SYCE2: variants seen among roughly 807,000 people sequenced by gnomAD.
The protein encoded by SYCE2 is central element synaptonemal complex 1.
SYCE2 carries 3 observed loss-of-function variants against 27.9 expected under a neutral mutation model. That is an observed-to-expected ratio of 0.11 (90% CI 0.05 to 0.28). SYCE2 has a LOEUF of 0.28. Ranked by LOEUF, SYCE2 falls within the 10% of genes least tolerant of loss-of-function variation. SYCE2 has a pLI of 1.00. For missense variants in SYCE2, 207 were observed against 263.5 expected (o/e 0.79, Z 1.48); for synonymous variants, 85 against 100.7 (o/e 0.84, Z 0.93).
At chr19:12,899,957 C>A (rs767156949) in intron 5 of SYCE2, 47 bp downstream of exon 5, 56 of 1,599,810 alleles carry the variant, frequency 3.5e-5, no homozygotes, top group Admixed American at 2.9e-4. Flanking sequence ...AAAATAAAGA[C>A]CTGCACATCT....
At chr19:12,919,031 G>A (rs1300817347) in intron 1 of SYCE2, among the ~76,000 whole-genome samples, 1 of 151,902 alleles carries the variant, frequency 6.6e-6, no homozygotes, top group Non-Finnish European at 1.5e-5. Context: ...TTCCGGCCAC[G>A]CGCCATGTGT....
intron 2 of SYCE2, among the ~76,000 whole-genome samples, chr19:12,916,272 T>A (rs555153767): frequency 4.3e-4 from 65 of 152,262 alleles, no homozygotes; most frequent in African/African-American, 1.6e-3. Context: ...GGTTTCACTA[T>A]GTTGGCCAGG....
intron 2 of SYCE2, among the ~76,000 whole-genome samples, chr19:12,915,673 C>A (rs1396018689): frequency 3.3e-5 from 5 of 151,820 alleles, no homozygotes; most frequent in Non-Finnish European, 7.4e-5. Context: ...GAAAAAACCT[C>A]TAGGATAAAG....
intron 2 of SYCE2, 163 bp from the exon 3 acceptor site, chr19:12,904,829 C>G: frequency 1.3e-6 from 1 of 755,716 alleles, no homozygotes; most frequent in Non-Finnish European, 2.1e-6. Context: ...GAAACCTCGT[C>G]TCTAGTAAAA....
intron 2 of SYCE2, among the ~76,000 whole-genome samples, chr19:12,915,042 A>C (rs1281128412): frequency 6.6e-6 from 1 of 152,250 alleles, no homozygotes; most frequent in African/African-American, 2.4e-5. Flanking sequence ...AATGGATTTC[A>C]TAGCAGTGCT....
chr19:12,901,064 G>T (rs1021926123), intron 3 of SYCE2, among the ~76,000 whole-genome samples: 1 of 152,096 alleles, frequency 6.6e-6, no homozygotes, highest in Non-Finnish European at 1.5e-5. Context: ...AGCTACTTGG[G>T]AGGCTGAGGC....
chr19:12,902,053 A>G (rs1284126340), intron 3 of SYCE2, among the ~76,000 whole-genome samples: 6 of 152,102 alleles, frequency 3.9e-5, no homozygotes, highest in Non-Finnish European at 7.4e-5. Context: ...TTCTATGTTT[A>G]TATATATTTA....
At chr19:12,908,276 C>CTTTT (rs34286819) in intron 2 of SYCE2, among the ~76,000 whole-genome samples, 1 of 85,524 alleles carries the variant, frequency 1.2e-5, no homozygotes, top group Non-Finnish European at 2.2e-5. Flanking sequence ...ATTTTCTGGG[C>CTTTT]TTTTTTTTTT....
rs141215048 is a variant in SYCE2, at chr19:12,912,171, C to T, written c.131+6051G>A. 7.3e-3 allele frequency among the ~76,000 whole-genome samples: 1,075 copies of T among 147,400 alleles called. 50 individuals are homozygous for T. Among genetic ancestry groups the T allele is most frequent in the African/African-American group, 0.026 (1,038 of 39,412 alleles). ...CAGGCTGGTCTCGAACTCCTGACCT[C>T]GTGATCTGCCCGCCTTGGCCTCCCA... is the stretch of plus-strand genomic sequence containing the variant. On this transcript the variant is annotated intron_variant, in intron 2 of 5. Transcript: ENST00000293695.
chr19:12,902,815 A>G (rs1000793896), intron 3 of SYCE2, among the ~76,000 whole-genome samples: 1 of 152,114 alleles, frequency 6.6e-6, no homozygotes, highest in African/African-American at 2.4e-5. Flanking sequence ...TTGTCTCAAA[A>G]AAAAAGAAAA....
At chr19:12,910,346 GTTA>G (rs1268385318) in intron 2 of SYCE2, among the ~76,000 whole-genome samples, 1 of 150,968 alleles carries the variant, frequency 6.6e-6, no homozygotes, top group African/African-American at 2.4e-5. Context: ...AAAAAATTTT[GTTA>G]TTATTATTTT....
intron 5 of SYCE2, 148 bp from the exon 6 acceptor site, chr19:12,899,533 A>G (rs1233213883): frequency 1.9e-6 from 3 of 1,614,100 alleles, no homozygotes; most frequent in Non-Finnish European, 2.5e-6. Context: ...GTTCACGGCC[A>G]GCAAGTGAGC....
intron 3 of SYCE2, among the ~76,000 whole-genome samples, chr19:12,904,266 C>A (rs1168987051): frequency 6.6e-6 from 1 of 152,176 alleles, no homozygotes; most frequent in Non-Finnish European, 1.5e-5. Context: ...AATTGAGATA[C>A]AGATGGTCCC....
In SYCE2 at chr19:12,900,996, T is replaced by C. The variant is rs1404395347; in HGVS notation, c.307-348A>G. Among the ~76,000 whole-genome samples, 4 of 151,964 alleles carry C rather than the reference T, an allele frequency of 2.6e-5. No individual in the cohort carries two copies. In the East Asian group the frequency reaches 7.7e-4, roughly 29 times the overall value. On this transcript the variant is annotated intron_variant, in intron 3 of 5. Coordinates refer to ENST00000293695, the MANE Select transcript of SYCE2 (RefSeq NM_001105578.2). ...AGATCGAGACCACTGTGAAACCCCGTCTCTACTAAAAATACAAAAAAATTT... is the reference window on the plus strand; with the variant it reads ...AGATCGAGACCACTGTGAAACCCCGCCTCTACTAAAAATACAAAAAAATTT...
intron 2 of SYCE2, among the ~76,000 whole-genome samples, chr19:12,916,767 ATTTC>A (rs374698352): frequency 6.3e-4 from 94 of 149,084 alleles, no homozygotes; most frequent in East Asian, 5.5e-3. Context: ...CACCACGCTC[ATTTC>A]TTTCTTTCTT....
At chr19:12,911,404 C>T (rs954782206) in intron 2 of SYCE2, among the ~76,000 whole-genome samples, 6 of 152,078 alleles carry the variant, frequency 3.9e-5, no homozygotes, top group African/African-American at 1.4e-4. Context: ...CTGGCCTCCA[C>T]CCTCTCTTCC....
intron 2 of SYCE2, among the ~76,000 whole-genome samples, chr19:12,917,363 TTTC>T (rs1971155631): frequency 6.6e-6 from 1 of 151,798 alleles, no homozygotes; most frequent in Non-Finnish European, 1.5e-5. Context: ...CTACTAAATT[TTTC>T]TTTTTTCTTT....
intron 2 of SYCE2, among the ~76,000 whole-genome samples, chr19:12,916,744 TG>T (rs1366810960): frequency 6.6e-6 from 1 of 152,100 alleles, no homozygotes; most frequent in Non-Finnish European, 1.5e-5. Context: ...CACAGGTGTG[TG>T]CAACCGCACC....
chr19:12,909,630 G>A (rs573731767), intron 2 of SYCE2, among the ~76,000 whole-genome samples: 5 of 151,970 alleles, frequency 3.3e-5, no homozygotes, highest in South Asian at 2.1e-4. Context: ...GCAATGGCGC[G>A]ATCTCGGCTC....
Sources: allele counts gnomAD v4.1 joint callset (sites outside exome capture counted in the v4.1 genomes callset), GRCh38; gene constraint gnomAD v4.1.1; transcripts MANE v1.5; gene names NCBI Gene and HGNC (gene_info 2026-07-23, HGNC 2026-07-21).